Variants in SLC39A11 observed in about 807,000 individuals in gnomAD.
SLC39A11 encodes the protein solute carrier family 39 member 11, also known as zinc transporter ZIP11.
In SLC39A11, 33 loss-of-function variants were observed where a neutral mutation model predicts 36.1. That is an observed-to-expected ratio of 0.91 (90% CI 0.69 to 1.22). The LOEUF is 1.22. SLC39A11 is among the 50% of genes most tolerant of loss of function. SLC39A11 has a pLI of 0.00. For missense variants in SLC39A11, 432 were observed against 430.3 expected, an observed-to-expected ratio of 1.00 and a Z score of -0.03; for synonymous variants, 166 against 170.3, an observed-to-expected ratio of 0.97 and a Z score of 0.20.
At chr17:73,075,102 T>C (rs2060278163) in intron 3 of SLC39A11, among the ~76,000 whole-genome samples, 1 of 152,200 alleles carries the variant, frequency 6.6e-6, no homozygotes, top group Non-Finnish European at 1.5e-5. Context: ...GACTGCCTTC[T>C]CACTCACATG....
intron 7 of SLC39A11, among the ~76,000 whole-genome samples, chr17:72,726,937 G>A (rs537902343): frequency 6.6e-6 from 1 of 152,154 alleles, no homozygotes; most frequent in African/African-American, 2.4e-5. Flanking sequence ...GCAGTAGCTG[G>A]TCCGGTCATA....
In SLC39A11 at chr17:72,746,312, G is replaced by A. The variant is rs112990810; in HGVS notation, c.602-9593C>T. 1.1e-3 allele frequency among the ~76,000 whole-genome samples: 172 copies of A among 152,248 alleles called. 2 individuals carry two copies. Among genetic ancestry groups the A allele is most frequent in the Middle Eastern group, 6.8e-3 (2 of 294 alleles). On this transcript the variant is annotated intron_variant, in intron 6 of 9. Transcript: ENST00000255559. ...CAGGTCCCAAAAGGCACTCATTAAA[G>A]GACAGAAAAATAACCACGTTGAGGG...
intron 6 of SLC39A11, among the ~76,000 whole-genome samples, chr17:72,771,116 G>A (rs34216418): frequency 0.14 from 20,496 of 151,204 alleles, 1,544 homozygotes; most frequent in African/African-American, 0.19. Flanking sequence ...CAGGTGCAGC[G>A]GCTCACGCCT....
intron 5 of SLC39A11, among the ~76,000 whole-genome samples, chr17:72,941,588 T>C (rs1429197317): frequency 1.3e-5 from 2 of 150,086 alleles, no homozygotes; most frequent in Admixed American, 6.7e-5. Context: ...CAGAAGCAGA[T>C]AAAGTGCTAT....
At position 73,088,761 on chromosome 17, in the gene SLC39A11, G is replaced by A; in HGVS notation, c.4C>T (p.Leu2Phe). Residue 2 changes from leucine to phenylalanine, a missense_variant, in exon 2 of 10, where the codon CTC (leucine) becomes TTC (phenylalanine). By Grantham distance (22) the Leu-to-Phe change is conservative. Transcript: ENST00000255559. ...TGGAACACAGAGCTGTGGCCTTGGA[G>A]CATGCTGGATACAGCTGTGCAAGAG... is the stretch of plus-strand genomic sequence containing the variant. M[L>F]QGHSSVFQAL... is the part of the protein sequence containing the mutation. 1 of 1,601,716 alleles carries A rather than the reference G, an allele frequency of 6.2e-7. No homozygotes were observed.
intron 6 of SLC39A11, among the ~76,000 whole-genome samples, chr17:72,777,059 G>A (rs1347759589): frequency 6.6e-6 from 1 of 152,144 alleles, no homozygotes; most frequent in African/African-American, 2.4e-5. Flanking sequence ...GGCCTGCTTC[G>A]TAAACTGCAC....
intron 7 of SLC39A11, among the ~76,000 whole-genome samples, chr17:72,714,682 G>A (rs1052595567): frequency 4.6e-5 from 7 of 152,172 alleles, no homozygotes; most frequent in South Asian, 2.1e-4. Context: ...TTTGCACACC[G>A]TGTCTGTGTT....
chr17:73,020,672 G>GTTTC (rs2058311780), intron 4 of SLC39A11, among the ~76,000 whole-genome samples: 1 of 85,254 alleles, frequency 1.2e-5, no homozygotes, highest in South Asian at 4.6e-4. Context: ...GGGTCTTTTT[G>GTTTC]TTTCTTTCTT....
chr17:73,001,854 C>A (rs1243656520), intron 4 of SLC39A11, among the ~76,000 whole-genome samples: 13 of 152,050 alleles, frequency 8.5e-5, no homozygotes, highest in Admixed American at 8.5e-4. Context: ...TGTACCAGGG[C>A]AATGGAAAGT....
At chr17:73,040,062 T>C (rs1196793882) in intron 3 of SLC39A11, among the ~76,000 whole-genome samples, 1 of 152,210 alleles carries the variant, frequency 6.6e-6, no homozygotes, top group Non-Finnish European at 1.5e-5. Flanking sequence ...CAGCAATAAC[T>C]GAATGCAATC....
chr17:73,036,397 T>C (rs1285926047), intron 3 of SLC39A11, among the ~76,000 whole-genome samples: 1 of 152,138 alleles, frequency 6.6e-6, no homozygotes, highest in Non-Finnish European at 1.5e-5. Context: ...CCCACACTGA[T>C]ATGGCATTAA....
At chr17:72,803,458 C>T (rs2077159787) in intron 6 of SLC39A11, among the ~76,000 whole-genome samples, 1 of 152,242 alleles carries the variant, frequency 6.6e-6, no homozygotes. Context: ...AAAGGACCTG[C>T]CTGAGGCCCA....
chr17:72,784,076 G>T (rs1285233979), intron 6 of SLC39A11, among the ~76,000 whole-genome samples: 1 of 152,214 alleles, frequency 6.6e-6, no homozygotes, highest in African/African-American at 2.4e-5. Context: ...CTGGTGTGGT[G>T]CCTCACGCCT....
chr17:72,841,759 T>A (rs934686834), intron 6 of SLC39A11, among the ~76,000 whole-genome samples: 2 of 152,072 alleles, frequency 1.3e-5, no homozygotes, highest in African/African-American at 4.8e-5. Flanking sequence ...ATTACATACC[T>A]GTATCAAAAT....
At chr17:72,669,578 G>A (rs1452724756) in intron 7 of SLC39A11, among the ~76,000 whole-genome samples, 1 of 152,236 alleles carries the variant, frequency 6.6e-6, no homozygotes, top group Non-Finnish European at 1.5e-5. Context: ...AAAACTCGAT[G>A]TGTCTTATTC....
chr17:72,772,805 T>C (rs779540925), intron 6 of SLC39A11, among the ~76,000 whole-genome samples: 14 of 152,112 alleles, frequency 9.2e-5, no homozygotes, highest in Non-Finnish European at 1.5e-4. Context: ...ATGCACAGGC[T>C]GGGCGCAGTG....
Position 72,787,238 on chromosome 17 carries a change from T to C in SLC39A11, c.602-50519A>G, listed in dbSNP as rs181755897. Among the ~76,000 whole-genome samples, 4 of 149,612 alleles carry C rather than the reference T, an allele frequency of 2.7e-5. 1 individual carries two copies. Among genetic ancestry groups the C allele is most frequent in the South Asian group, 4.2e-4 (2 of 4,716 alleles). ...AGTCTTTACCATTTGTCACTTTGAC[T>C]GCTATAACCCATGGCTTTTTTTTTT... On this transcript the variant is annotated intron_variant, in intron 6 of 9. Coordinates refer to ENST00000255559, the MANE Select transcript of SLC39A11 (RefSeq NM_139177.4).
chr17:73,030,335 GTTC>G (rs2058699714), intron 4 of SLC39A11, among the ~76,000 whole-genome samples: 1 of 152,208 alleles, frequency 6.6e-6, no homozygotes, highest in Admixed American at 6.5e-5. Flanking sequence ...CCAAAGGACA[GTTC>G]TTCTGTAACA....
At chr17:73,052,210 A>C (rs1280877962) in intron 3 of SLC39A11, among the ~76,000 whole-genome samples, 2 of 152,106 alleles carry the variant, frequency 1.3e-5, no homozygotes, top group Non-Finnish European at 2.9e-5. Flanking sequence ...CTCAGAGGGA[A>C]TCTGGAGAAT....
Sources: gnomAD v4.1 joint callset for allele counts (sites outside exome capture counted in the v4.1 genomes callset) on GRCh38, gnomAD v4.1.1 for gene constraint, MANE v1.5 for transcripts, NCBI Gene and HGNC (gene_info 2026-07-23, HGNC 2026-07-21) for gene names.